The following PHACTR3 variants were observed in gnomAD, a reference collection of about 807,000 sequenced individuals.
The protein encoded by PHACTR3 is phosphatase and actin regulator 3.
PHACTR3 carries 16 observed loss-of-function variants against 66.8 expected under a neutral mutation model. The ratio of observed to expected loss-of-function variants is 0.24; its 90% CI spans 0.16 to 0.36. The LOEUF is 0.36. PHACTR3 is among the 10% of genes least tolerant of loss of function. PHACTR3 has a pLI of 1.00. For missense variants in PHACTR3, 647 were observed against 719.9 expected, an observed-to-expected ratio of 0.90 and a Z score of 1.16; for synonymous variants, 323 against 292.1, an observed-to-expected ratio of 1.11 and a Z score of -1.08.
At chr20:59,681,576 A>T (rs554140825) in intron 1 of PHACTR3, among the ~76,000 whole-genome samples, 3 of 152,360 alleles carry the variant, frequency 2.0e-5, no homozygotes, top group Admixed American at 1.3e-4. Context: ...CCATATATTC[A>T]AGAGCCAAAC....
At chr20:59,751,061 C>A (rs935222468) in intron 3 of PHACTR3, among the ~76,000 whole-genome samples, 3 of 152,228 alleles carry the variant, frequency 2.0e-5, no homozygotes, top group Non-Finnish European at 2.9e-5. Flanking sequence ...TGCACCTGCC[C>A]TCTCCGGCTC....
chr20:59,647,266 G>A (rs959240977), intron 1 of PHACTR3, among the ~76,000 whole-genome samples: 8 of 152,184 alleles, frequency 5.3e-5, no homozygotes, highest in Non-Finnish European at 1.0e-4. Context: ...ATCCAATATC[G>A]TGAGACTTAC....
At chr20:59,845,648 T>C (rs2059134568) in intron 12 of PHACTR3, among the ~76,000 whole-genome samples, 1 of 152,208 alleles carries the variant, frequency 6.6e-6, no homozygotes, top group Non-Finnish European at 1.5e-5. Flanking sequence ...CTCCCCACCT[T>C]CACATTTACT....
At chr20:59,626,715 T>C (rs945055984) in intron 1 of PHACTR3, 2 of 152,474 alleles carry the variant, frequency 1.3e-5, no homozygotes, top group Admixed American at 1.3e-4. Context: ...CCGTTGAAGA[T>C]TTGAATGGCT....
chr20:59,791,133 A>G (rs1316960632), intron 7 of PHACTR3, among the ~76,000 whole-genome samples: 2 of 152,158 alleles, frequency 1.3e-5, no homozygotes, highest in Non-Finnish European at 2.9e-5. Context: ...TTATAACAGT[A>G]TTAAGAGGTG....
At chr20:59,612,353 T>C (rs1465242188) in intron 1 of PHACTR3, among the ~76,000 whole-genome samples, 2 of 149,478 alleles carry the variant, frequency 1.3e-5, no homozygotes, top group Admixed American at 6.7e-5. Context: ...GGTGAGACCA[T>C]CTTCATCTTT....
intron 1 of PHACTR3, among the ~76,000 whole-genome samples, chr20:59,658,172 A>G (rs913156001): frequency 8.5e-5 from 13 of 152,158 alleles, no homozygotes; most frequent in African/African-American, 2.6e-4. Flanking sequence ...AATAATTTCT[A>G]TCTCTTTATT....
At chr20:59,669,934 T>A (rs2036133823) in intron 1 of PHACTR3, among the ~76,000 whole-genome samples, 1 of 152,224 alleles carries the variant, frequency 6.6e-6, no homozygotes, top group Non-Finnish European at 1.5e-5. Context: ...TTTCACAACG[T>A]TCTTGTTTTG....
At chr20:59,686,076 A>G (rs771027520) in intron 1 of PHACTR3, among the ~76,000 whole-genome samples, 9 of 152,182 alleles carry the variant, frequency 5.9e-5, no homozygotes, top group Non-Finnish European at 7.3e-5. Context: ...AACTTTTCCA[A>G]TGTGACGGTT....
chr20:59,680,212 C>A (rs2036594754), intron 1 of PHACTR3, among the ~76,000 whole-genome samples: 1 of 152,080 alleles, frequency 6.6e-6, no homozygotes, highest in Admixed American at 6.6e-5. Flanking sequence ...AGGGAAGGTA[C>A]CAGGTTCAAG....
Position 59,697,596 on chromosome 20 carries a change from G to A in PHACTR3, c.119-45511G>A, listed in dbSNP as rs147665088. Among the ~76,000 whole-genome samples, 198 of 152,224 alleles carry A rather than the reference G, an allele frequency of 1.3e-3. 2 individuals carry two copies. Among genetic ancestry groups the A allele is most frequent in the African/African-American group, 4.6e-3 (190 of 41,522 alleles). ...TGCTATTGCTATTTGTTACCCATGA[G>A]ACCAAGGAAATAGTCTTCATCATGA... On this transcript the variant is annotated intron_variant, in intron 1 of 12. Coordinates refer to ENST00000371015, the MANE Select transcript of PHACTR3 (RefSeq NM_080672.5).
intron 4 of PHACTR3, among the ~76,000 whole-genome samples, chr20:59,765,723 C>G (rs2040157362): frequency 6.6e-6 from 1 of 152,202 alleles, no homozygotes; most frequent in Non-Finnish European, 1.5e-5. Context: ...GTAACACCCC[C>G]TCCCTGACCA....
At chr20:59,777,898 C>T (rs190786031) in intron 7 of PHACTR3, among the ~76,000 whole-genome samples, 1 of 152,218 alleles carries the variant, frequency 6.6e-6, no homozygotes, top group East Asian at 1.9e-4. Flanking sequence ...TCTCTGTGGA[C>T]TCTACGCATG....
At chr20:59,760,174 A>G (rs1037306343) in intron 4 of PHACTR3, among the ~76,000 whole-genome samples, 4 of 152,198 alleles carry the variant, frequency 2.6e-5, no homozygotes, top group Admixed American at 6.5e-5. Context: ...TGCCCCAACC[A>G]TGATGAGTGT....
chr20:59,827,175 G>A (rs1040600736), intron 8 of PHACTR3, among the ~76,000 whole-genome samples: 1 of 152,154 alleles, frequency 6.6e-6, no homozygotes, highest in Non-Finnish European at 1.5e-5. Context: ...AGCCTCTCAG[G>A]GCAGCCCGGG....
In PHACTR3 at chr20:59,607,259, G is replaced by C. The variant is rs147689257; in HGVS notation, c.118+2127G>C. On this transcript the variant is annotated intron_variant, in intron 1 of 12. Coordinates refer to ENST00000371015, the MANE Select transcript of PHACTR3 (RefSeq NM_080672.5). ...GTCCTGATGGGATCTTCTCCTGCTG[G>C]GTGTTACTCAGGGCTTTCAGAGAGC... is the stretch of plus-strand genomic sequence containing the variant. Among the ~76,000 whole-genome samples, 4 of 152,218 alleles carry C rather than the reference G, an allele frequency of 2.6e-5. No homozygotes were observed. In the East Asian group the frequency reaches 7.7e-4, roughly 29 times the overall value.
At chr20:59,640,437 C>T (rs1400756957) in intron 1 of PHACTR3, among the ~76,000 whole-genome samples, 7 of 152,242 alleles carry the variant, frequency 4.6e-5, no homozygotes, top group Non-Finnish European at 8.8e-5. Context: ...TGGGGCCAGG[C>T]GGTCTTCAAC....
chr20:59,668,595 T>C (rs2036079313), intron 1 of PHACTR3, among the ~76,000 whole-genome samples: 1 of 152,258 alleles, frequency 6.6e-6, no homozygotes, highest in Non-Finnish European at 1.5e-5. Context: ...CCTTTGTCCA[T>C]ATTAGGCCAG....
intron 7 of PHACTR3, among the ~76,000 whole-genome samples, chr20:59,790,308 G>GAAACCAGTCT (rs2041050755): frequency 3.3e-5 from 5 of 152,126 alleles, no homozygotes; most frequent in Admixed American, 3.3e-4. Flanking sequence ...TCTCTAGAGA[G>GAAACCAGTCT]TATCTGAGAC....
Sources: gnomAD v4.1 joint callset for allele counts (sites outside exome capture counted in the v4.1 genomes callset) on GRCh38, gnomAD v4.1.1 for gene constraint, MANE v1.5 for transcripts, NCBI Gene and HGNC (gene_info 2026-07-23, HGNC 2026-07-21) for gene names.